Variants in DPYD observed in about 807,000 individuals in gnomAD.
DPYD encodes the protein dihydropyrimidine dehydrogenase.
DPYD carries 109 observed loss-of-function variants against 116.2 expected under a neutral mutation model. The observed-to-expected ratio is 0.94, with a 90% CI of 0.80 to 1.10. DPYD has a LOEUF of 1.10. Among genes scored for constraint, DPYD ranks in the 50% least tolerant of loss-of-function variants. The pLI, the probability that DPYD is intolerant of heterozygous loss-of-function variation, is 0.00. For missense variants in DPYD, 1,302 were observed against 1,254.5 expected, an observed-to-expected ratio of 1.04 and a Z score of -0.57; for synonymous variants, 440 against 432.0, an observed-to-expected ratio of 1.02 and a Z score of -0.23.
chr1:97,180,866 T>C (rs903528317), intron 20 of DPYD, among the ~76,000 whole-genome samples: 1 of 152,098 alleles, frequency 6.6e-6, no homozygotes, highest in Non-Finnish European at 1.5e-5. Context: ...ATAAGCACGA[T>C]GGACAAGAGA....
At chr1:97,409,224 T>A (rs528031477) in intron 14 of DPYD, among the ~76,000 whole-genome samples, 1 of 152,150 alleles carries the variant, frequency 6.6e-6, no homozygotes. Context: ...ATTCCCCAAA[T>A]ATGATTTTAT....
intron 19 of DPYD, among the ~76,000 whole-genome samples, chr1:97,197,623 A>T (rs550470208): frequency 2.0e-5 from 3 of 152,332 alleles, no homozygotes; most frequent in Admixed American, 6.5e-5. Flanking sequence ...CACAATTTGT[A>T]TACAGTAGAC....
chr1:97,450,110 AGCCGTTTTCT>A lies in DPYD; in HGVS notation c.1844_1853del (p.Glu615ValfsTer11). The A allele has an allele frequency of 6.2e-7, 1 of 1,613,986 alleles. No homozygotes were observed. The highest frequency in any genetic ancestry group is 8.5e-7 in the Non-Finnish European group (1 of 1,179,930). On this transcript the variant is annotated frameshift_variant, in exon 14 of 23. Coordinates refer to ENST00000370192, the MANE Select transcript of DPYD (RefSeq NM_000110.4). LOFTEE classifies it high-confidence loss of function. ...CAGTGACACTTTGACACCAATATGC[AGCCGTTTTCT>A]CACTGATGAGCTCAATATTCAGAAA...
intron 18 of DPYD, among the ~76,000 whole-genome samples, chr1:97,275,147 G>C (rs551213293): frequency 6.6e-6 from 1 of 152,280 alleles, no homozygotes; most frequent in South Asian, 2.1e-4. Context: ...GGCAGTGGCA[G>C]GGGATGGCAA....
intron 14 of DPYD, among the ~76,000 whole-genome samples, chr1:97,403,761 T>C (rs1331467818): frequency 6.6e-6 from 1 of 152,018 alleles, no homozygotes; most frequent in Non-Finnish European, 1.5e-5. Flanking sequence ...TCAGATTTTG[T>C]TGATTTTCTA....
intron 20 of DPYD, among the ~76,000 whole-genome samples, chr1:97,137,164 C>A (rs537113007): frequency 2.6e-5 from 4 of 152,250 alleles, no homozygotes; most frequent in African/African-American, 9.6e-5. Flanking sequence ...GCAGGCCTTC[C>A]GGGAATGCTA....
intron 12 of DPYD, among the ~76,000 whole-genome samples, chr1:97,549,104 T>C (rs1273630155): frequency 6.6e-6 from 1 of 152,074 alleles, no homozygotes; most frequent in Non-Finnish European, 1.5e-5. Context: ...CTCTCTCTGT[T>C]GTCCAGGTTG....
intron 18 of DPYD, among the ~76,000 whole-genome samples, chr1:97,236,173 AC>A (rs1661914649): frequency 6.6e-6 from 1 of 152,142 alleles, no homozygotes; most frequent in Admixed American, 6.5e-5. Context: ...CATTTTCTGA[AC>A]TAAAGGCAGT....
At chr1:97,252,653 G>A (rs1287710835) in intron 18 of DPYD, among the ~76,000 whole-genome samples, 1 of 152,042 alleles carries the variant, frequency 6.6e-6, no homozygotes, top group Non-Finnish European at 1.5e-5. Context: ...TGCCAAAACC[G>A]CTATATACTG....
intron 7 of DPYD, among the ~76,000 whole-genome samples, chr1:97,684,719 C>A (rs1466972363): frequency 6.6e-6 from 1 of 152,066 alleles, no homozygotes; most frequent in Non-Finnish European, 1.5e-5. Flanking sequence ...ATAAACATTT[C>A]TATGCAAATA....
intron 2 of DPYD, among the ~76,000 whole-genome samples, chr1:97,871,794 T>C (rs1671671557): frequency 6.6e-6 from 1 of 151,818 alleles, no homozygotes. Context: ...CTCCATGGTT[T>C]TTCCATATAC....
rs539927395 is a variant in DPYD at position 97,206,687 on chromosome 1, T to TATATATATATATAA, written c.2443-13440_2443-13439insTTATATATATATAT. 9.2e-4 allele frequency among the ~76,000 whole-genome samples: 66 copies of TATATATATATATAA among 71,572 alleles called. 10 individuals are homozygous for TATATATATATATAA. The highest frequency in any genetic ancestry group is 2.3e-3 in the East Asian group (3 of 1,328). 47.0% of individuals were successfully genotyped at this position (71,572 alleles called of 152,430 possible). On this transcript the variant is annotated intron_variant, in intron 19 of 22. Transcript: ENST00000370192. ...ATATATATATATATATATATATATA[T>TATATATATATATAA]AATCTATATGCTTATAATGCATATG...
rs117845144 is a variant in DPYD, at chr1:97,215,623, A to T, written c.2442+19229T>A. 1.1e-3 allele frequency among the ~76,000 whole-genome samples: 175 copies of T among 152,264 alleles called. 1 individual carries two copies. In the East Asian group the frequency reaches 0.031, roughly 27 times the overall value. ...CCTTTCCTTGTAGTAGAGGTTTATGAAAGGTCTACGTTATTTTATATTTAA... is the reference window on the plus strand; with the variant it reads ...CCTTTCCTTGTAGTAGAGGTTTATGTAAGGTCTACGTTATTTTATATTTAA... On this transcript the variant is annotated intron_variant, in intron 19 of 22. Coordinates refer to ENST00000370192, the MANE Select transcript of DPYD (RefSeq NM_000110.4).
chr1:97,332,875 T>C (rs1031393147), intron 16 of DPYD, among the ~76,000 whole-genome samples: 6 of 152,132 alleles, frequency 3.9e-5, no homozygotes, highest in African/African-American at 1.4e-4. Context: ...AATATGTAAT[T>C]CTGTAAGAAA....
chr1:97,865,717 C>T (rs551772722), intron 2 of DPYD, among the ~76,000 whole-genome samples: 61 of 151,926 alleles, frequency 4.0e-4, no homozygotes, highest in Non-Finnish European at 7.4e-4. Flanking sequence ...ATTGGCAGAA[C>T]TGTATGGGCA....
intron 2 of DPYD, among the ~76,000 whole-genome samples, chr1:97,850,841 T>A (rs764633356): frequency 3.9e-5 from 6 of 152,054 alleles, no homozygotes; most frequent in Non-Finnish European, 7.4e-5. Flanking sequence ...GTTCTATAAA[T>A]GATATATTAA....
intron 19 of DPYD, among the ~76,000 whole-genome samples, chr1:97,212,923 A>G (rs1660133781): frequency 6.6e-6 from 1 of 152,164 alleles, no homozygotes; most frequent in South Asian, 2.1e-4. Flanking sequence ...ACATGCTATA[A>G]CAAAAATGCC....
At chr1:97,695,290 A>C (rs1661234459) in intron 6 of DPYD, among the ~76,000 whole-genome samples, 1 of 151,596 alleles carries the variant, frequency 6.6e-6, no homozygotes, top group Non-Finnish European at 1.5e-5. Flanking sequence ...AAATTAAAAA[A>C]TAATTATTAC....
intron 3 of DPYD, among the ~76,000 whole-genome samples, chr1:97,803,876 AG>A (rs1557974018): frequency 2.0e-5 from 3 of 151,866 alleles, no homozygotes; most frequent in African/African-American, 7.2e-5. Flanking sequence ...ATGAATTTAA[AG>A]TGTTAATTCA....
Sources: allele counts gnomAD v4.1 joint callset (sites outside exome capture counted in the v4.1 genomes callset), GRCh38; gene constraint gnomAD v4.1.1; transcripts MANE v1.5; gene names NCBI Gene and HGNC (gene_info 2026-07-23, HGNC 2026-07-21).